WFDC10B: variants seen among roughly 807,000 people sequenced by gnomAD.
WFDC10B encodes WAP four-disulfide core domain 10B, also known as protein WFDC10B.
In WFDC10B, 1 loss-of-function variant was observed where a neutral mutation model predicts 2.7. The observed-to-expected ratio is 0.38, with a 90% confidence interval of 0.13 to 1.79. The LOEUF (loss-of-function observed/expected upper bound fraction) is 1.79, where lower values mean the gene tolerates loss of function less well. WFDC10B is among the 40% of genes most tolerant of loss of function. The pLI is 0.33. For synonymous variants in WFDC10B, 26 were observed against 32.2 expected, an observed-to-expected ratio of 0.81 and a Z score of 0.65; for missense variants, 71 against 87.8, an observed-to-expected ratio of 0.81 and a Z score of 0.76.
chr20:45,704,728 C>A, intron 1 of WFDC10B, 167 bp from the exon 2 acceptor site: 1 of 1,416,358 alleles, frequency 7.1e-7, no homozygotes, highest in Non-Finnish European at 9.5e-7. Flanking sequence ...GCCAACATGC[C>A]CCTTCTCTTG....
At chr20:45,687,017 A>G (rs1314894066) in intron 2 of WFDC10B, among the ~76,000 whole-genome samples, 1 of 152,110 alleles carries the variant, frequency 6.6e-6, no homozygotes, top group Admixed American at 6.5e-5. Flanking sequence ...ATTGAGCTAT[A>G]TTTTTAATAT....
At chr20:45,698,082 C>T (rs1240868648) in intron 2 of WFDC10B, among the ~76,000 whole-genome samples, 3 of 152,086 alleles carry the variant, frequency 2.0e-5, no homozygotes, top group African/African-American at 7.2e-5. Flanking sequence ...ACTTGATCCT[C>T]GAGTTCATAC....
chr20:45,702,272 G>A (rs1196089866), intron 2 of WFDC10B: 1 of 1,511,184 alleles, frequency 6.6e-7, no homozygotes, highest in Non-Finnish European at 9.0e-7. Flanking sequence ...GAGGATCTGA[G>A]GGCTGACAGT....
At chr20:45,697,995 C>T (rs1374526229) in intron 2 of WFDC10B, among the ~76,000 whole-genome samples, 4 of 151,952 alleles carry the variant, frequency 2.6e-5, no homozygotes, top group Non-Finnish European at 4.4e-5. Flanking sequence ...CCACCCGCCT[C>T]GGCCTCCCAA....
chr20:45,701,628 G>A (rs1182744089), intron 2 of WFDC10B, among the ~76,000 whole-genome samples: 6 of 151,910 alleles, frequency 3.9e-5, no homozygotes, highest in Non-Finnish European at 2.9e-5. Context: ...TGGACATGGT[G>A]GTACACGCCT....
chr20:45,692,981 A>G (rs191967884), intron 2 of WFDC10B, among the ~76,000 whole-genome samples: 5 of 152,010 alleles, frequency 3.3e-5, no homozygotes, highest in Admixed American at 3.3e-4. Flanking sequence ...GGTCTTGATG[A>G]TGGTAATGTA....
At chr20:45,687,181 T>G (rs527695695) in intron 2 of WFDC10B, among the ~76,000 whole-genome samples, 65 of 152,198 alleles carry the variant, frequency 4.3e-4, no homozygotes, top group Non-Finnish European at 8.1e-4. Context: ...CCAAGGTGTG[T>G]TGTTTACCTC....
At chr20:45,704,892 C>A in intron 1 of WFDC10B, 26 bp downstream of exon 1, 1 of 1,611,392 alleles carries the variant, frequency 6.2e-7, no homozygotes, top group Non-Finnish European at 8.5e-7. Context: ...GACCCAGAAT[C>A]CACCCTTATC....
intron 2 of WFDC10B, among the ~76,000 whole-genome samples, chr20:45,700,720 A>G (rs1391252369): frequency 6.6e-6 from 1 of 152,222 alleles, no homozygotes; most frequent in African/African-American, 2.4e-5. Context: ...AGTGGAGACA[A>G]TTCTAAAAGG....
At chr20:45,686,308 TG>T in intron 2 of WFDC10B, among the ~76,000 whole-genome samples, 1 of 152,316 alleles carries the variant, frequency 6.6e-6, no homozygotes. Context: ...AATTATAAAA[TG>T]CTTTATGGAA....
intron 2 of WFDC10B, among the ~76,000 whole-genome samples, chr20:45,699,368 G>A (rs1984077517): frequency 6.6e-6 from 1 of 152,150 alleles, no homozygotes; most frequent in African/African-American, 2.4e-5. Flanking sequence ...CCAAAGCAAG[G>A]AAACAGCTGA....
chr20:45,702,229 G>A (rs780929853), intron 2 of WFDC10B: 1 of 1,605,220 alleles, frequency 6.2e-7, no homozygotes. Context: ...CTGGATCTGG[G>A]CCCAAGGAGG....
At chr20:45,700,472 AAAC>A (rs1305833022) in intron 2 of WFDC10B, among the ~76,000 whole-genome samples, 12 of 152,244 alleles carry the variant, frequency 7.9e-5, no homozygotes, top group Non-Finnish European at 1.8e-4. Context: ...AAACTAAACC[AAAC>A]AATATAAAAA....
intron 2 of WFDC10B, among the ~76,000 whole-genome samples, chr20:45,697,815 C>T (rs1391541829): frequency 6.7e-6 from 1 of 149,348 alleles, no homozygotes; most frequent in Non-Finnish European, 1.5e-5. Context: ...GCGAGCTCAG[C>T]TCACTGCAAC....
At position 45,692,935 on chromosome 20, in the gene WFDC10B, T is replaced by C. The variant is rs563086097; in HGVS notation, c.-64-6879A>G. Among the ~76,000 whole-genome samples the C allele has an allele frequency of 1.2e-4, 18 of 152,308 alleles. No homozygotes were observed. The East Asian group carries it at 3.5e-3, about 29-fold the overall frequency. ...TTCAGAGTTTCCAGTTTTTCTGCTC[T>C]GTTTTTTCCCCATCTTTGTGGTCTT... is the stretch of plus-strand genomic sequence containing the variant. On this transcript the variant is annotated intron_variant, in intron 2 of 3. Coordinates refer to ENST00000330523, the MANE Select transcript of WFDC10B (RefSeq NM_172006.2).
rs763956918 is a variant in WFDC10B, at chr20:45,704,614, C to A, written c.-129-53G>T. The A allele has an allele frequency of 8.1e-6, 13 of 1,612,320 alleles. No homozygotes were observed. The African/African-American group carries it at 1.2e-4, about 15-fold the overall frequency. On this transcript the variant is annotated intron_variant, in intron 1 of 3. Coordinates refer to ENST00000330523, the MANE Select transcript of WFDC10B (RefSeq NM_172006.2). ...CAACAGGTAAGAGATATCTCATATC[C>A]AGGTCTGATCCTAGAGCTGCTGGTG...
chr20:45,691,856 T>C (rs6017649), intron 2 of WFDC10B, among the ~76,000 whole-genome samples: 6,126 of 152,248 alleles, frequency 0.04, 265 homozygotes, highest in East Asian at 0.22. Flanking sequence ...AGTATTGTTA[T>C]GTGTGAATTT....
chr20:45,698,917 G>C (rs190148453), intron 2 of WFDC10B, among the ~76,000 whole-genome samples: 2,632 of 143,498 alleles, frequency 0.018, 49 homozygotes, highest in Non-Finnish European at 0.024. Context: ...GCAGTGAGCT[G>C]AGATCACACC....
chr20:45,696,939 T>C (rs1354224960), intron 2 of WFDC10B, among the ~76,000 whole-genome samples: 1 of 151,988 alleles, frequency 6.6e-6, no homozygotes, highest in Admixed American at 6.6e-5. Flanking sequence ...TTAAAAAAAA[T>C]TCAGAAAACT....
Sources: allele counts gnomAD v4.1 joint callset (sites outside exome capture counted in the v4.1 genomes callset), GRCh38; gene constraint gnomAD v4.1.1; transcripts MANE v1.5; gene names NCBI Gene and HGNC (gene_info 2026-07-23, HGNC 2026-07-21).